Variants in ROBO1 observed in about 807,000 individuals in gnomAD.
ROBO1 encodes roundabout guidance receptor 1, also known as roundabout homolog 1.
In ROBO1, 149 loss-of-function variants were observed where a neutral mutation model predicts 195.9. That is an observed-to-expected ratio of 0.76 (90% CI 0.67 to 0.87). The LOEUF (loss-of-function observed/expected upper bound fraction) is 0.87. Ranked by LOEUF, ROBO1 falls within the 40% of genes least tolerant of loss-of-function variation. ROBO1 has a pLI of 0.00. For missense variants in ROBO1, 1,933 were observed against 2,068.3 expected (o/e 0.93, Z 1.27); for synonymous variants, 816 against 733.2 (o/e 1.11, Z -1.82).
At chr3:78,707,095 A>G (rs1415265722) in intron 8 of ROBO1, among the ~76,000 whole-genome samples, 1 of 152,216 alleles carries the variant, frequency 6.6e-6, no homozygotes, top group Non-Finnish European at 1.5e-5. Flanking sequence ...ACTGAAAGTT[A>G]TAATTACTCT....
At chr3:78,804,472 G>A (rs961520874) in intron 4 of ROBO1, among the ~76,000 whole-genome samples, 1 of 152,086 alleles carries the variant, frequency 6.6e-6, no homozygotes, top group Non-Finnish European at 1.5e-5. Context: ...CTTTTGGCCA[G>A]TGGGGATGTT....
chr3:78,940,210 C>T (rs1166670333), intron 3 of ROBO1, among the ~76,000 whole-genome samples: 1 of 151,928 alleles, frequency 6.6e-6, no homozygotes, highest in Non-Finnish European at 1.5e-5. Flanking sequence ...CCAAATTCCT[C>T]CTGAAAAGTT....
intron 2 of ROBO1, among the ~76,000 whole-genome samples, chr3:79,400,498 C>T (rs947388522): frequency 9.2e-5 from 14 of 151,998 alleles, no homozygotes; most frequent in Non-Finnish European, 4.4e-5. Flanking sequence ...ACTTTGAAGG[C>T]TTCAGTTTAA....
intron 1 of ROBO1, among the ~76,000 whole-genome samples, chr3:79,718,853 C>T (rs1702591081): frequency 6.6e-6 from 1 of 151,932 alleles, no homozygotes; most frequent in South Asian, 2.1e-4. Flanking sequence ...AACTTCAAGC[C>T]ACTGTAAACA....
At chr3:79,001,819 C>G (rs956196519) in intron 3 of ROBO1, among the ~76,000 whole-genome samples, 1 of 151,952 alleles carries the variant, frequency 6.6e-6, no homozygotes, top group African/African-American at 2.4e-5. Context: ...GAGCTCTTTA[C>G]TATTACATTT....
At chr3:79,411,075 T>C (rs2037744281) in intron 2 of ROBO1, among the ~76,000 whole-genome samples, 1 of 152,192 alleles carries the variant, frequency 6.6e-6, no homozygotes, top group Admixed American at 6.6e-5. Flanking sequence ...CGTCCATTTC[T>C]ATGTCTCTTT....
intron 2 of ROBO1, among the ~76,000 whole-genome samples, chr3:79,498,010 A>ATT (rs59947416): frequency 0.31 from 46,584 of 151,706 alleles, 7,307 homozygotes; most frequent in Non-Finnish European, 0.35. Flanking sequence ...TTGCTGAGCA[A>ATT]TGTTACCTAA....
At chr3:78,603,679 C>G (rs555697021) in intron 29 of ROBO1, among the ~76,000 whole-genome samples, 1 of 152,154 alleles carries the variant, frequency 6.6e-6, no homozygotes, top group South Asian at 2.1e-4. Context: ...ATCAGGATAC[C>G]TCTTTCACTA....
intron 2 of ROBO1, among the ~76,000 whole-genome samples, chr3:79,305,129 T>C: frequency 6.6e-6 from 1 of 152,132 alleles, no homozygotes; most frequent in East Asian, 1.9e-4. Flanking sequence ...TAACAATCAC[T>C]CACCAACAAA....
chr3:79,468,351 C>G (rs994784209), intron 2 of ROBO1, among the ~76,000 whole-genome samples: 4 of 152,126 alleles, frequency 2.6e-5, no homozygotes, highest in African/African-American at 9.7e-5. Flanking sequence ...TATCCATATT[C>G]TACACATGAG....
chr3:79,397,414 T>C (rs1396618430), intron 2 of ROBO1, among the ~76,000 whole-genome samples: 5 of 152,114 alleles, frequency 3.3e-5, no homozygotes, highest in East Asian at 1.9e-4. Context: ...ATCTGTCGTA[T>C]TGGACAAAGC....
chr3:78,752,277 T>A (rs910021438), intron 4 of ROBO1, among the ~76,000 whole-genome samples: 1 of 152,308 alleles, frequency 6.6e-6, no homozygotes, highest in Admixed American at 6.5e-5. Flanking sequence ...AAAATAACTA[T>A]CATTCTTTCA....
At chr3:79,416,324 G>A (rs2037998585) in intron 2 of ROBO1, among the ~76,000 whole-genome samples, 1 of 151,690 alleles carries the variant, frequency 6.6e-6, no homozygotes, top group South Asian at 2.1e-4. Flanking sequence ...GGTAAAATTG[G>A]GCAGGGTGCT....
chr3:79,438,186 G>A (rs557844687), intron 2 of ROBO1, among the ~76,000 whole-genome samples: 1 of 151,784 alleles, frequency 6.6e-6, no homozygotes, highest in East Asian at 1.9e-4. Flanking sequence ...TCTCTCATAT[G>A]AATTTATAAT....
intron 2 of ROBO1, among the ~76,000 whole-genome samples, chr3:79,292,881 C>G (rs1200317241): frequency 1.3e-5 from 2 of 152,148 alleles, no homozygotes; most frequent in Non-Finnish European, 1.5e-5. Context: ...CAGGATGATG[C>G]TGGCCTCATA....
intron 2 of ROBO1, among the ~76,000 whole-genome samples, chr3:79,216,019 C>T (rs1280840756): frequency 6.6e-6 from 1 of 151,988 alleles, no homozygotes; most frequent in African/African-American, 2.4e-5. Flanking sequence ...TTAATTTTAA[C>T]TGTTGATTAT....
At chr3:79,400,975 ATATT>A (rs1316875936) in intron 2 of ROBO1, among the ~76,000 whole-genome samples, 1 of 151,870 alleles carries the variant, frequency 6.6e-6, no homozygotes, top group African/African-American at 2.4e-5. Context: ...TAATTACTGA[ATATT>A]TATTGACTTT....
chr3:79,678,293 C>CTATA (rs151162183), intron 1 of ROBO1, among the ~76,000 whole-genome samples: 46 of 150,010 alleles, frequency 3.1e-4, no homozygotes, highest in African/African-American at 1.0e-3. Flanking sequence ...ATATAAATCA[C>CTATA]TATATATATA....
rs1451260830 is a variant in ROBO1, at chr3:78,685,726, T to C, written c.1342+20A>G. ...TAAGTCAAACTTGGACATTTTGAAA[T>C]AAAATGTTTTACACTTTACCATCTG... On this transcript the variant is annotated intron_variant, in intron 10 of 30. Coordinates refer to ENST00000464233, the MANE Select transcript of ROBO1 (RefSeq NM_002941.4). 1.9e-6 allele frequency: 3 copies of C among 1,545,928 alleles called. No homozygotes were observed. The highest frequency in any genetic ancestry group is 2.3e-5 in the East Asian group (1 of 43,574).
Sources: gnomAD v4.1 joint callset for allele counts (sites outside exome capture counted in the v4.1 genomes callset) on GRCh38, gnomAD v4.1.1 for gene constraint, MANE v1.5 for transcripts, NCBI Gene and HGNC (gene_info 2026-07-23, HGNC 2026-07-21) for gene names.